Variants in PALD1 observed in about 807,000 individuals in gnomAD.
PALD1 encodes paladin.
A neutral mutation model predicts 96.0 loss-of-function variants in PALD1; 57 were observed. That is an observed-to-expected ratio of 0.59 (90% CI 0.48 to 0.74). The LOEUF is 0.74. Ranked by LOEUF, PALD1 falls within the 30% of genes least tolerant of loss-of-function variation. PALD1 has a pLI of 0.00. For synonymous variants in PALD1, 464 were observed against 473.6 expected, an observed-to-expected ratio of 0.98 and a Z score of 0.26; for missense variants, 1,063 against 1,143.7, an observed-to-expected ratio of 0.93 and a Z score of 1.02.
rs1181481958 is a variant in PALD1, at chr10:70,534,727, C to T, written c.1123-12C>T. Reference sequence around the variant, plus strand: ...CCACCTCCCTCTTACTTGCCTTGGTCTCTGGCACCAGGTGGACAGAGCCAT... The same window carrying T: ...CCACCTCCCTCTTACTTGCCTTGGTTTCTGGCACCAGGTGGACAGAGCCAT... On this transcript the variant is annotated splice_polypyrimidine_tract_variant and intron_variant, in intron 9 of 19. Coordinates refer to ENST00000263563, the MANE Select transcript of PALD1 (RefSeq NM_014431.3). 3 of 1,372,110 alleles carry T rather than the reference C, an allele frequency of 2.2e-6. No individual in the cohort carries two copies. The highest frequency in any genetic ancestry group is 5.2e-5 in the East Asian group (2 of 38,150). The allele number at this position is 1,372,110 out of a possible 1,614,324, so 85.0% of individuals were successfully genotyped here. A position where few individuals can be genotyped will look rare whatever the true frequency, so the allele number is the denominator to read the frequency against.
At chr10:70,496,610 T>A (rs1202894650) in intron 1 of PALD1, among the ~76,000 whole-genome samples, 1 of 152,218 alleles carries the variant, frequency 6.6e-6, no homozygotes, top group African/African-American at 2.4e-5. Flanking sequence ...TTCATTTCAT[T>A]GCTGAGTAGG....
chr10:70,563,580 C>G (rs74141909), intron 18 of PALD1, among the ~76,000 whole-genome samples: 5,125 of 152,332 alleles, frequency 0.034, 221 homozygotes, highest in African/African-American at 0.1. Context: ...TCTCTTGCTG[C>G]TCCTTGGCCA....
At chr10:70,544,139 T>TAA (rs1847313242) in intron 17 of PALD1, among the ~76,000 whole-genome samples, 1 of 152,200 alleles carries the variant, frequency 6.6e-6, no homozygotes, top group South Asian at 2.1e-4. Context: ...ACACTGGTTC[T>TAA]AAGGGCCAAG....
At chr10:70,476,172 G>C (rs901529363), upstream of PALD1, among the ~76,000 whole-genome samples, 1 of 152,088 alleles carries the variant, frequency 6.6e-6, no homozygotes, top group Admixed American at 6.6e-5. Flanking sequence ...TTTTCTCAGG[G>C]GATTTTGGGC....
chr10:70,499,831 T>A (rs78518668), intron 1 of PALD1, among the ~76,000 whole-genome samples: 1 of 152,358 alleles, frequency 6.6e-6, no homozygotes, highest in East Asian at 1.9e-4. Context: ...TTTGCTCCAC[T>A]GTTTCTTTGC....
chr10:70,508,945 T>C (rs1056829536), intron 1 of PALD1, among the ~76,000 whole-genome samples: 21 of 148,304 alleles, frequency 1.4e-4, no homozygotes, highest in African/African-American at 5.0e-4. Flanking sequence ...GGACGTTTCA[T>C]GTGCTCTGCA....
Position 70,563,570 on chromosome 10 carries a change from T to A in PALD1, c.2263-794T>A, listed in dbSNP as rs144528913. Reference sequence around the variant, plus strand: ...CCAACCCCTCTCCTGAGCCACTTCCTCTCTTGCTGCTCCTTGGCCAGGTGG... The same window carrying A: ...CCAACCCCTCTCCTGAGCCACTTCCACTCTTGCTGCTCCTTGGCCAGGTGG... On this transcript the variant is annotated intron_variant, in intron 18 of 19. Transcript: ENST00000263563. Among the ~76,000 whole-genome samples the A allele has an allele frequency of 1.4e-3, 209 of 152,316 alleles. 1 individual carries two copies. Among genetic ancestry groups the A allele is most frequent in the African/African-American group, 4.8e-3 (199 of 41,564 alleles).
Position 70,567,196 on chromosome 10 carries a change from G to C in PALD1, c.*463G>C, listed in dbSNP as rs1556613. On this transcript the variant is annotated 3_prime_UTR_variant, in exon 20 of 20. Transcript: ENST00000263563. The stretch of plus-strand genomic sequence containing the variant: ...CTGCTCTGCCATTGCCGCTCCCCTT[G>C]TTGCTGCCCAAGCACTGCCCTCGGG... 157,833 of 159,218 alleles carry C rather than the reference G, an allele frequency of 0.99. 78,250 individuals are homozygous for C. The highest frequency in any genetic ancestry group is 1 in the East Asian group (5,296 of 5,296). The allele number at this position is 159,218 out of a possible 1,614,324, so 9.9% of individuals were successfully genotyped here.
At position 70,531,351 on chromosome 10, in the gene PALD1, T is replaced by G. The variant is rs201673718; in HGVS notation, c.530T>G (p.Phe177Cys). Reference sequence around the variant, plus strand: ...CTTTTCCTGCGTGCAGATGAGGACTTTGTGTCCTACACACCTCGAGACAAG... The same window carrying G: ...CTTTTCCTGCGTGCAGATGAGGACTGTGTGTCCTACACACCTCGAGACAAG... ...PVLFLRADED[F>C]VSYTPRDKQN... Residue 177 changes from phenylalanine (F) to cysteine (C), a missense_variant, in exon 5 of 20, where the codon TTT becomes TGT. Phe to Cys is a radical substitution (Grantham distance 205). Transcript: ENST00000263563. The G allele has an allele frequency of 1.1e-5, 17 of 1,613,866 alleles. 1 individual carries two copies. The African/African-American group carries it at 1.6e-4, about 15-fold the overall frequency.
the PALD1 span, among the ~76,000 whole-genome samples, chr10:70,464,049 G>C: frequency 3.9e-5 from 6 of 152,158 alleles, no homozygotes; most frequent in Non-Finnish European, 7.4e-5. Flanking sequence ...TCCAGATCAA[G>C]CTATAGCACC....
rs1414341485 is a variant in PALD1 at position 70,540,030 on chromosome 10, C to T, written c.1908+268C>T. On this transcript the variant is annotated intron_variant, in intron 15 of 19. Coordinates refer to ENST00000263563, the MANE Select transcript of PALD1 (RefSeq NM_014431.3). This position sits in a 1 kb window ranked among gnomAD's most constrained non-coding sequence, Gnocchi z 4.2. The stretch of plus-strand genomic sequence containing the variant: ...GTGTATTGGAGTGTGTATTCTGTTA[C>T]GTATGTGCATATGTGTTATAAGATG... Among the ~76,000 whole-genome samples the T allele has an allele frequency of 2.0e-5, 3 of 151,676 alleles. No individual in the cohort carries two copies. The highest frequency in any genetic ancestry group is 2.9e-5 in the Non-Finnish European group (2 of 67,942).
chr10:70,508,533 C>A (rs547220162), intron 1 of PALD1, among the ~76,000 whole-genome samples: 21 of 152,302 alleles, frequency 1.4e-4, no homozygotes, highest in Admixed American at 4.6e-4. Flanking sequence ...GAAGCAGGGT[C>A]ACTGGCCCCA....
At chr10:70,511,702 C>T (rs1846519170) in intron 1 of PALD1, among the ~76,000 whole-genome samples, 1 of 152,174 alleles carries the variant, frequency 6.6e-6, no homozygotes, top group African/African-American at 2.4e-5. Flanking sequence ...GCATGTGAAA[C>T]AGATAAAACT....
chr10:70,459,494 G>T, the PALD1 span, among the ~76,000 whole-genome samples: 34 of 151,888 alleles, frequency 2.2e-4, no homozygotes, highest in Middle Eastern at 6.8e-3. Context: ...CTGTGGCACT[G>T]CCTCGGATGG....
intron 18 of PALD1, among the ~76,000 whole-genome samples, chr10:70,557,294 G>T (rs1035666124): frequency 6.6e-6 from 1 of 152,206 alleles, no homozygotes; most frequent in East Asian, 1.9e-4. Flanking sequence ...GGGATGGGGT[G>T]TGGGGTGTGC....
chr10:70,465,151 T>C, the PALD1 span, among the ~76,000 whole-genome samples: 1 of 151,606 alleles, frequency 6.6e-6, no homozygotes, highest in African/African-American at 2.4e-5. Context: ...ATTTTTTGTA[T>C]TTTTAGTAAA....
chr10:70,529,236 T>G lies in PALD1; in HGVS notation c.193T>G (p.Cys65Gly), dbSNP rs1304266938. The G allele has an allele frequency of 1.4e-5, 7 of 490,386 alleles. No individual in the cohort carries two copies. Among genetic ancestry groups the G allele is most frequent in the South Asian group, 3.3e-5 (2 of 61,432 alleles). 30.4% of individuals were successfully genotyped at this position (490,386 alleles called of 1,614,324 possible). A position where few individuals can be genotyped will look rare whatever the true frequency, so the allele number is the denominator to read the frequency against. The change falls in exon 3 of 20, where the codon TGC (cysteine) becomes GGC (glycine). Residue 65 changes from cysteine (C) to glycine (G), a missense_variant. Coordinates refer to ENST00000263563, the MANE Select transcript of PALD1 (RefSeq NM_014431.3). Reference sequence around the variant, plus strand: ...CCCCCCCCCCCCCCCCAGGTACAACTGCAAGGAGGAGTTCCAGATCCATGA... The same window carrying G: ...CCCCCCCCCCCCCCCCAGGTACAACGGCAAGGAGGAGTTCCAGATCCATGA... ...KVAPVVITYN[C>G]KEEFQIHDEL...
chr10:70,539,016 G>T lies in PALD1; in HGVS notation c.1569+8G>T. ...GCCCAGCCCAGCGCCAAGGTGACCG[G>T]CCCTCAGGGCCTGGGTCCCCCAGTG... is the stretch of plus-strand genomic sequence containing the variant. On this transcript the variant is annotated splice_region_variant and intron_variant, in intron 13 of 19. Transcript: ENST00000263563. The surrounding 1 kb of genome is among the most constrained non-coding windows in gnomAD (Gnocchi z 4.5). 2.5e-6 allele frequency: 4 copies of T among 1,613,568 alleles called. No individual in the cohort carries two copies. Among genetic ancestry groups the T allele is most frequent in the Non-Finnish European group, 3.4e-6 (4 of 1,179,784 alleles).
chr10:70,520,761 G>A (rs373490017), intron 1 of PALD1, among the ~76,000 whole-genome samples: 43 of 137,384 alleles, frequency 3.1e-4, no homozygotes, highest in African/African-American at 1.2e-3. Flanking sequence ...GTGTGATCTC[G>A]GCTCACTGCA....
Sources: allele counts gnomAD v4.1 joint callset (sites outside exome capture counted in the v4.1 genomes callset), GRCh38; gene constraint gnomAD v4.1.1; non-coding constraint Gnocchi (gnomAD v3.1); transcripts MANE v1.5; gene names NCBI Gene and HGNC (gene_info 2026-07-23, HGNC 2026-07-21).